The following TCHH variants were observed in gnomAD, a reference collection of about 807,000 sequenced individuals.
TCHH encodes the protein trichohyalin.
Under a neutral mutation model 6.3 loss-of-function variants are expected in TCHH, and 6 were observed. The observed-to-expected ratio is 0.95, with a 90% CI of 0.52 to 1.88. The LOEUF is 1.88. TCHH is among the 40% of genes most tolerant of loss of function. TCHH has a pLI of 0.01. For synonymous variants in TCHH, 1,087 were observed against 963.6 expected (o/e 1.13, Z -2.37); for missense variants, 2,920 against 2,449.1 (o/e 1.19, Z -4.06).
In TCHH at chr1:152,111,260, C is replaced by T. The variant is rs914959856; in HGVS notation, c.1957G>A (p.Glu653Lys). The T allele has an allele frequency of 1.9e-5, 30 of 1,604,422 alleles. No individual in the cohort carries two copies. The highest frequency in any genetic ancestry group is 2.4e-5 in the Non-Finnish European group (28 of 1,174,882). Reference protein sequence around the residue: ...RQQQLRREQQERREQRLKREE... With the variant: ...RQQQLRREQQKRREQRLKREE... Reference sequence around the variant, plus strand: ...CGCTTCAGCCGCTGCTCGCGCCTTTCCTGCTGCTCGCGCCTTAGTTGCTGC... The same window carrying T: ...CGCTTCAGCCGCTGCTCGCGCCTTTTCTGCTGCTCGCGCCTTAGTTGCTGC... The change falls in exon 3 of 3, where the codon GAA becomes AAA. Residue 653 changes from glutamate to lysine, a missense_variant. Glu to Lys is a moderately conservative substitution (Grantham distance 56). Transcript: ENST00000614923.
Position 152,110,880 on chromosome 1 carries a change from C to T in TCHH, c.2337G>A (p.Arg779=), listed in dbSNP as rs758153118. Residue 779 remains arginine, a synonymous_variant, in exon 3 of 3, where the codon AGG becomes AGA. Coordinates refer to ENST00000614923, the MANE Select transcript of TCHH (RefSeq NM_007113.4). ...WQWQAEEKSE[R]GRQRLSARPP... is the part of the protein sequence containing the mutation. ...GCCTGGCCGACAGCCTCTGACGGCC[C>T]CTCTCGCTCTTTTCCTCCGCCTGCC... 29 of 1,610,686 alleles carry T rather than the reference C, an allele frequency of 1.8e-5. No individual in the cohort carries two copies. The highest frequency in any genetic ancestry group is 1.1e-4 in the African/African-American group (8 of 74,758).
In TCHH at chr1:152,112,727, G is replaced by T; in HGVS notation, c.490C>A (p.Arg164Ser). The change falls in exon 3 of 3, where the codon CGC becomes AGC. Residue 164 changes from arginine (R) to serine (S), a missense_variant. Transcript: ENST00000614923. ...QSEKQERLEQ[R>S]DRQRRDEELW... is the part of the protein sequence containing the mutation. ...TCCTCGTCGCGGCGCTGCCTGTCGC[G>T]CTGTTCAAGTCGCTCTTGTTTCTCA... 2 of 1,614,066 alleles carry T rather than the reference G, an allele frequency of 1.2e-6. No homozygotes were observed. The highest frequency in any genetic ancestry group is 1.7e-6 in the Non-Finnish European group (2 of 1,180,026).
Position 152,109,430 on chromosome 1 carries a change from A to T in TCHH, c.3787T>A (p.Ser1263Thr). Reference protein sequence around the residue: ...LEDSQLRDRQSQQDLQHLLGE... With the variant: ...LEDSQLRDRQTQQDLQHLLGE... Reference sequence around the variant, plus strand: ...AGCAGGTGCTGCAGATCTTGCTGGGATTGTCTGTCGCGCAGCTGGGAATCT... The same window carrying T: ...AGCAGGTGCTGCAGATCTTGCTGGGTTTGTCTGTCGCGCAGCTGGGAATCT... The change falls in exon 3 of 3, where the codon TCC becomes ACC. Residue 1263 changes from serine to threonine, a missense_variant. Ser to Thr is a moderately conservative substitution (Grantham distance 58, BLOSUM62 1). Transcript: ENST00000614923. 6.2e-7 allele frequency: 1 copy of T among 1,613,468 alleles called. No homozygotes were observed. The highest frequency in any genetic ancestry group is 1.3e-5 in the African/African-American group (1 of 74,984).
chr1:152,111,287 G>A lies in TCHH; in HGVS notation c.1930C>T (p.Gln644Ter). ...LKSEEQEERR[Q>*]QQLRREQQER... ...TGCTGCTCGCGCCTTAGTTGCTGCTGGCGCCTCTCCTCCTGCTCCTCGCTC... is the reference window on the plus strand; with the variant it reads ...TGCTGCTCGCGCCTTAGTTGCTGCTAGCGCCTCTCCTCCTGCTCCTCGCTC... Residue 644 changes from glutamine to a stop codon, truncating the protein, a stop_gained, in exon 3 of 3, where the codon CAG becomes TAG. Transcript: ENST00000614923. LOFTEE classifies it low-confidence loss of function (END_TRUNC). 1.3e-6 allele frequency: 2 copies of A among 1,579,376 alleles called. No individual in the cohort carries two copies. Among genetic ancestry groups the A allele is most frequent in the Non-Finnish European group, 8.6e-7 (1 of 1,164,514 alleles).
chr1:152,110,115 C>T lies in TCHH; in HGVS notation c.3102G>A (p.Leu1034=). 6.2e-7 allele frequency: 1 copy of T among 1,612,476 alleles called. No homozygotes were observed. Among genetic ancestry groups the T allele is most frequent in the Non-Finnish European group, 8.5e-7 (1 of 1,179,484 alleles). The change falls in exon 3 of 3, where the codon CTG becomes CTA. Residue 1034 remains leucine (L), a synonymous_variant. Coordinates refer to ENST00000614923, the MANE Select transcript of TCHH (RefSeq NM_007113.4). ...DELQQEEEQL[L]REEREKRRLQ... ...GTCTTCTTTTCTCCCGTTCCTCTCT[C>T]AGCAGCTGCTCTTCTTCCTGCTGCA...
chr1:152,108,594 G>A lies in TCHH; in HGVS notation c.4623C>T (p.Arg1541=). The part of the protein sequence containing the change: ...RKFLQEEQQL[R]RQERGQQRRQ... ...GCCGCTGTTGCCCGCGCTCCTGGCG[G>A]CGCAGCTGCTGTTCCTCCTGGAGGA... The change falls in exon 3 of 3, where the codon CGC becomes CGT. Residue 1541 remains arginine, a synonymous_variant. Coordinates refer to ENST00000614923, the MANE Select transcript of TCHH (RefSeq NM_007113.4). 1.9e-6 allele frequency: 3 copies of A among 1,601,348 alleles called. No homozygotes were observed. Among genetic ancestry groups the A allele is most frequent in the Non-Finnish European group, 2.6e-6 (3 of 1,174,838 alleles).
chr1:152,114,243 C>T, intron 1 of TCHH, 132 bp from the exon 2 acceptor site: 1 of 625,602 alleles, frequency 1.6e-6, no homozygotes, highest in Non-Finnish European at 2.6e-6. Context: ...ACTTTCAGAG[C>T]ACTTTAATAT....
chr1:152,109,971 C>G lies in TCHH; in HGVS notation c.3246G>C (p.Lys1082Asn). ...CTTCCTCCTGCTGCAGCTCCTCTTC[C>G]TTCCGATATTGCCTCTCCAGCTCCT... ...RRQELERQYR[K>N]EEELQQEEEQ... The change falls in exon 3 of 3, where the codon AAG becomes AAC. Residue 1082 changes from lysine (K) to asparagine (N), a missense_variant. Lys to Asn is a moderately conservative substitution (Grantham distance 94). Coordinates refer to ENST00000614923, the MANE Select transcript of TCHH (RefSeq NM_007113.4). The G allele has an allele frequency of 6.5e-7, 1 of 1,537,726 alleles. No homozygotes were observed. The highest frequency in any genetic ancestry group is 8.8e-7 in the Non-Finnish European group (1 of 1,140,614).
chr1:152,113,703 G>A (rs1175092151), intron 2 of TCHH, among the ~76,000 whole-genome samples: 1 of 152,178 alleles, frequency 6.6e-6, no homozygotes, highest in Admixed American at 6.5e-5. Flanking sequence ...GACATCTTTT[G>A]TGGTAATGTC....
chr1:152,110,573 T>C lies in TCHH; in HGVS notation c.2644A>G (p.Arg882Gly). 3 of 1,614,128 alleles carry C rather than the reference T, an allele frequency of 1.9e-6. No individual in the cohort carries two copies. Among genetic ancestry groups the C allele is most frequent in the South Asian group, 2.2e-5 (2 of 91,074 alleles). Residue 882 changes from arginine (R) to glycine (G), a missense_variant, in exon 3 of 3, where the codon AGG becomes GGG. By Grantham distance (125) the Arg-to-Gly change is moderately radical (BLOSUM62 -2). Transcript: ENST00000614923. Reference sequence around the variant, plus strand: ...TACAGCGTGTGGCGGCGTCTCTTCCTTTCTTCTTCTAGTTGCCACCTCCAT... The same window carrying C: ...TACAGCGTGTGGCGGCGTCTCTTCCCTTCTTCTTCTAGTTGCCACCTCCAT... ...QKWRWQLEEE[R>G]KRRRHTLYAK...
Position 152,109,933 on chromosome 1 carries a change from C to G in TCHH, c.3284G>C (p.Arg1095Thr). Reference sequence around the variant, plus strand: ...GCGCCTTCTCTTCTCCGGTTCCTCTCTCAGCAGCTGCTCTTCCTCCTGCTG... The same window carrying G: ...GCGCCTTCTCTTCTCCGGTTCCTCTGTCAGCAGCTGCTCTTCCTCCTGCTG... ...ELQQEEEQLL[R>T]EEPEKRRRQE... is the part of the protein sequence containing the mutation. Residue 1095 changes from arginine to threonine, a missense_variant, in exon 3 of 3, where the codon AGA (arginine) becomes ACA (threonine). Physicochemically the swap from Arg to Thr is moderately conservative, Grantham distance 71. Coordinates refer to ENST00000614923, the MANE Select transcript of TCHH (RefSeq NM_007113.4). 6.3e-7 allele frequency: 1 copy of G among 1,592,592 alleles called. No individual in the cohort carries two copies. Among genetic ancestry groups the G allele is most frequent in the Non-Finnish European group, 8.5e-7 (1 of 1,171,318 alleles).
intron 1 of TCHH, among the ~76,000 whole-genome samples, chr1:152,115,123 A>G (rs1480078641): frequency 1.3e-5 from 2 of 152,250 alleles, no homozygotes; most frequent in Non-Finnish European, 2.9e-5. Context: ...AGCAGTTTTT[A>G]GGAAGATGAA....
At position 152,110,193 on chromosome 1, in the gene TCHH, C is replaced by T. The variant is rs1417003805; in HGVS notation, c.3024G>A (p.Arg1008=). Residue 1008 remains arginine, a synonymous_variant, in exon 3 of 3, where the codon CGG becomes CGA. Coordinates refer to ENST00000614923, the MANE Select transcript of TCHH (RefSeq NM_007113.4). ...CCCACTCCTGGCGCCTTCTCTTCTC[C>T]CGTTCCTCTCTCAGCAGCTGCTCTT... ...QEEEQLLREE[R]EKRRRQEWER... is the part of the protein sequence containing the mutation. The T allele has an allele frequency of 2.5e-6, 4 of 1,610,640 alleles. No individual in the cohort carries two copies. Among genetic ancestry groups the T allele is most frequent in the Middle Eastern group, 1.7e-4 (1 of 6,054 alleles).
rs1400373166 is a variant in TCHH, at chr1:152,109,112, G to A, written c.4105C>T (p.His1369Tyr). The change falls in exon 3 of 3, where the codon CAT becomes TAT. Residue 1369 changes from histidine (H) to tyrosine (Y), a missense_variant. His to Tyr is a moderately conservative substitution (Grantham distance 83). Coordinates refer to ENST00000614923, the MANE Select transcript of TCHH (RefSeq NM_007113.4). Reference protein sequence around the residue: ...DRKFREEELRHQEQGRKFLEE... With the variant: ...DRKFREEELRYQEQGRKFLEE... The stretch of plus-strand genomic sequence containing the variant: ...AGGAATTTTCTCCCTTGTTCCTGAT[G>A]GCGCAGTTCCTCTTCGCGGAATTTT... 2.5e-6 allele frequency: 4 copies of A among 1,610,782 alleles called. No individual in the cohort carries two copies. In the East Asian group the frequency reaches 9.0e-5, roughly 36 times the overall value.
Position 152,110,942 on chromosome 1 carries a change from G to C in TCHH, c.2275C>G (p.Gln759Glu). The change falls in exon 3 of 3, where the codon CAG (glutamine) becomes GAG (glutamate). Residue 759 changes from glutamine (Q) to glutamate (E), a missense_variant. Physicochemically the swap from Gln to Glu is conservative, Grantham distance 29. Coordinates refer to ENST00000614923, the MANE Select transcript of TCHH (RefSeq NM_007113.4). ...QEEERAHRQQ[Q>E]EEEQRRDFTW... ...AAGTCCCGGCGCTGCTCCTCTTCCT[G>C]CTGCTGCCGGTGAGCCCGTTCCTCC... 1.2e-6 allele frequency: 2 copies of C among 1,613,078 alleles called. No individual in the cohort carries two copies. The highest frequency in any genetic ancestry group is 1.7e-6 in the Non-Finnish European group (2 of 1,179,954).
rs776922068 is a variant in TCHH at position 152,107,953 on chromosome 1, A to T, written c.5264T>A (p.Leu1755His). 1.2e-6 allele frequency: 2 copies of T among 1,601,724 alleles called. No homozygotes were observed. Among genetic ancestry groups the T allele is most frequent in the Non-Finnish European group, 1.7e-6 (2 of 1,176,760 alleles). ...CTGCTGTTCTTCCCTTTCCGGACGG[A>T]GCTGCTCTTCCTCTAGGATTTTTCT... ...RYRKILEEEQ[L>H]RPEREEQQLR... Residue 1755 changes from leucine (L) to histidine (H), a missense_variant, in exon 3 of 3, where the codon CTC (leucine) becomes CAC (histidine). Transcript: ENST00000614923.
rs1217548115 is a variant in TCHH, at chr1:152,111,914, C to G, written c.1303G>C (p.Glu435Gln). The G allele has an allele frequency of 5.8e-6, 9 of 1,560,120 alleles. No homozygotes were observed. The highest frequency in any genetic ancestry group is 7.8e-6 in the Non-Finnish European group (9 of 1,154,816). Residue 435 changes from glutamate to glutamine, a missense_variant, in exon 3 of 3, where the codon GAG becomes CAG. Coordinates refer to ENST00000614923, the MANE Select transcript of TCHH (RefSeq NM_007113.4). Reference sequence around the variant, plus strand: ...CGCCTCTCCTGCTCGTGCTTCTGCTCGTGCCTCTCCTCCTCCTGCTCGCGC... The same window carrying G: ...CGCCTCTCCTGCTCGTGCTTCTGCTGGTGCCTCTCCTCCTCCTGCTCGCGC... Reference protein sequence around the residue: ...LRREQEEERHEQKHEQERREQ... With the variant: ...LRREQEEERHQQKHEQERREQ...
In TCHH at chr1:152,110,861, C is replaced by T; in HGVS notation, c.2356G>A (p.Ala786Thr). The T allele has an allele frequency of 6.2e-7, 1 of 1,610,094 alleles. No homozygotes were observed. The highest frequency in any genetic ancestry group is 1.7e-4 in the Middle Eastern group (1 of 6,058). Reference protein sequence around the residue: ...KSERGRQRLSARPPLREQRER... With the variant: ...KSERGRQRLSTRPPLREQRER... ...CGCTGCTCCCGCAATGGGGGCCTGG[C>T]CGACAGCCTCTGACGGCCCCTCTCG... is the stretch of plus-strand genomic sequence containing the variant. The change falls in exon 3 of 3, where the codon GCC (alanine) becomes ACC (threonine). Residue 786 changes from alanine to threonine, a missense_variant. Coordinates refer to ENST00000614923, the MANE Select transcript of TCHH (RefSeq NM_007113.4).
In TCHH at chr1:152,112,477, C is replaced by G; in HGVS notation, c.740G>C (p.Arg247Thr). ...VFQEEEEKEW[R>T]KRETVLRKEE... is the part of the protein sequence containing the mutation. ...CTTCCGGAGCACTGTCTCGCGCTTC[C>G]TCCACTCTTTCTCTTCTTCCTCCTG... The change falls in exon 3 of 3, where the codon AGG becomes ACG. Residue 247 changes from arginine to threonine, a missense_variant. Arg to Thr is a moderately conservative substitution (Grantham distance 71, BLOSUM62 -1). Transcript: ENST00000614923. 6.2e-7 allele frequency: 1 copy of G among 1,613,230 alleles called. No homozygotes were observed. The highest frequency in any genetic ancestry group is 8.5e-7 in the Non-Finnish European group (1 of 1,179,700).
Sources: gnomAD v4.1 joint callset for allele counts (sites outside exome capture counted in the v4.1 genomes callset) on GRCh38, gnomAD v4.1.1 for gene constraint, MANE v1.5 for transcripts, NCBI Gene and HGNC (gene_info 2026-07-23, HGNC 2026-07-21) for gene names.